The following PAM variants were observed in gnomAD, a reference collection of about 807,000 sequenced individuals.
PAM encodes peptidylglycine alpha-amidating monooxygenase, also known as peptidyl-glycine alpha-amidating monooxygenase.
A neutral mutation model predicts 122.1 loss-of-function variants in PAM; 72 were observed. That is an observed-to-expected ratio of 0.59 (90% CI 0.49 to 0.72). The LOEUF is 0.72. Among genes scored for constraint, PAM ranks in the 30% least tolerant of loss-of-function variants. PAM has a pLI of 0.00. For synonymous variants in PAM, 389 were observed against 404.4 expected, an observed-to-expected ratio of 0.96 and a Z score of 0.46; for missense variants, 1,106 against 1,183.7, an observed-to-expected ratio of 0.93 and a Z score of 0.96.
intron 14 of PAM, among the ~76,000 whole-genome samples, chr5:102,963,237 C>T (rs765034162): frequency 1.3e-5 from 2 of 151,872 alleles, no homozygotes; most frequent in Non-Finnish European, 2.9e-5. Context: ...ACCAAATGCA[C>T]ATTTGTACAC....
chr5:102,924,928 T>A (rs1386564625), intron 5 of PAM, 29 bp from the exon 6 acceptor site: 1 of 1,164,614 alleles, frequency 8.6e-7, no homozygotes, highest in Non-Finnish European at 1.3e-6. Context: ...ATTTAAATCT[T>A]CATTTATACT....
intron 14 of PAM, among the ~76,000 whole-genome samples, chr5:102,969,802 G>A (rs547964941): frequency 1.6e-4 from 25 of 152,298 alleles, no homozygotes; most frequent in African/African-American, 2.4e-4. Flanking sequence ...TTGGTGTTAG[G>A]AGAGCTCCAG....
At chr5:102,810,612 C>T (rs1221358085) in intron 1 of PAM, among the ~76,000 whole-genome samples, 1 of 152,128 alleles carries the variant, frequency 6.6e-6, no homozygotes, top group African/African-American at 2.4e-5. Flanking sequence ...AGGCAGATCA[C>T]CTGAGGTTGG....
chr5:102,803,171 AAGGAAGGAAGG>A (rs1765291094), intron 1 of PAM, among the ~76,000 whole-genome samples: 1 of 17,332 alleles, frequency 5.8e-5, no homozygotes, highest in East Asian at 1.1e-3. Context: ...GGAAGGAAGG[AAGGAAGGAAGG>A]AAGGAAGGAA....
At chr5:102,870,960 T>C (rs2151003085) in intron 3 of PAM, among the ~76,000 whole-genome samples, 2 of 152,362 alleles carry the variant, frequency 1.3e-5, no homozygotes, top group East Asian at 3.9e-4. Context: ...TGCCAGTTCA[T>C]GGTCATAGTA....
intron 8 of PAM, among the ~76,000 whole-genome samples, chr5:102,947,729 C>T (rs572109298): frequency 6.6e-6 from 1 of 152,208 alleles, no homozygotes; most frequent in Admixed American, 6.5e-5. Context: ...TTTTAGCCCA[C>T]ATTAAAGGGC....
chr5:102,898,568 A>C (rs923038755), intron 3 of PAM, among the ~76,000 whole-genome samples: 1 of 151,704 alleles, frequency 6.6e-6, no homozygotes, highest in South Asian at 2.1e-4. Context: ...TTGCAGAAAC[A>C]AAATAGTGAC....
intron 1 of PAM, among the ~76,000 whole-genome samples, chr5:102,860,931 G>C (rs776870630): frequency 1.1e-4 from 16 of 152,136 alleles, no homozygotes; most frequent in Non-Finnish European, 2.2e-4. Flanking sequence ...TTCTCCTTCA[G>C]TGGGTGGGGC....
intron 17 of PAM, 104 bp downstream of exon 17, chr5:103,003,253 G>A: frequency 3.5e-6 from 2 of 565,852 alleles, no homozygotes; most frequent in East Asian, 2.8e-5. Flanking sequence ...CTGCACTTGA[G>A]AAAGCAGAAA....
chr5:102,779,971 TC>T (rs1758280968), intron 1 of PAM, among the ~76,000 whole-genome samples: 1 of 146,468 alleles, frequency 6.8e-6, no homozygotes, highest in Non-Finnish European at 1.5e-5. Flanking sequence ...CTCCAGGGAA[TC>T]CTAATATAGT....
intron 1 of PAM, among the ~76,000 whole-genome samples, chr5:102,826,728 G>C (rs1191920625): frequency 6.6e-6 from 1 of 152,232 alleles, no homozygotes; most frequent in African/African-American, 2.4e-5. Context: ...TATGCTCCTT[G>C]ACAGGTCTTA....
At chr5:102,811,222 A>G (rs1007205082) in intron 1 of PAM, among the ~76,000 whole-genome samples, 3 of 152,238 alleles carry the variant, frequency 2.0e-5, no homozygotes, top group Admixed American at 6.5e-5. Flanking sequence ...CAAATTTATT[A>G]TCTTACAGTT....
At chr5:102,931,807 A>ACACT (rs1751610186) in intron 7 of PAM, among the ~76,000 whole-genome samples, 1 of 141,350 alleles carries the variant, frequency 7.1e-6, no homozygotes, top group African/African-American at 2.7e-5. Context: ...CAAACAACAC[A>ACACT]CTCTCTCTCT....
At chr5:102,800,140 A>C (rs1764316635) in intron 1 of PAM, among the ~76,000 whole-genome samples, 1 of 152,130 alleles carries the variant, frequency 6.6e-6, no homozygotes, top group East Asian at 1.9e-4. Context: ...TGTTCCTTAA[A>C]CATTCTAAGC....
intron 12 of PAM, among the ~76,000 whole-genome samples, chr5:102,957,556 T>C (rs1266239737): frequency 3.3e-5 from 5 of 151,458 alleles, no homozygotes; most frequent in Non-Finnish European, 7.4e-5. Flanking sequence ...TGAGACGGAG[T>C]CTCAGTCTGT....
rs987714800 is a variant in PAM, at chr5:102,928,525, A to G, written c.526+1857A>G. On this transcript the variant is annotated intron_variant, in intron 7 of 25. Transcript: ENST00000438793. The stretch of plus-strand genomic sequence containing the variant: ...AAAGATTACTAGTGCTATAATTCAT[A>G]TAACTTATTGTAATATTATTAAAAT... 3.9e-5 allele frequency among the ~76,000 whole-genome samples: 6 copies of G among 152,280 alleles called. No individual in the cohort carries two copies. In the East Asian group the frequency reaches 7.7e-4, roughly 20 times the overall value.
intron 1 of PAM, among the ~76,000 whole-genome samples, chr5:102,805,938 C>G (rs926074408): frequency 6.6e-6 from 1 of 152,182 alleles, no homozygotes; most frequent in African/African-American, 2.4e-5. Context: ...CTCACTCACA[C>G]TTGATTTTTG....
chr5:102,838,053 A>C (rs989327376), intron 1 of PAM, among the ~76,000 whole-genome samples: 1 of 152,174 alleles, frequency 6.6e-6, no homozygotes, highest in Admixed American at 6.5e-5. Flanking sequence ...TTGTTTGCTC[A>C]TCTCTAATAT....
At chr5:102,885,704 T>A (rs1405766206) in intron 3 of PAM, among the ~76,000 whole-genome samples, 3 of 151,862 alleles carry the variant, frequency 2.0e-5, no homozygotes, top group Non-Finnish European at 2.9e-5. Flanking sequence ...GAGCAAAAAA[T>A]TTGTCTTACT....
Sources: allele counts gnomAD v4.1 joint callset (sites outside exome capture counted in the v4.1 genomes callset), GRCh38; gene constraint gnomAD v4.1.1; transcripts MANE v1.5; gene names NCBI Gene and HGNC (gene_info 2026-07-23, HGNC 2026-07-21).